GREB1L: variants seen among roughly 807,000 people sequenced by gnomAD.
GREB1L encodes GREB1 like retinoic acid receptor coactivator, also known as GREB1-like protein.
Under a neutral mutation model 200.8 loss-of-function variants are expected in GREB1L, and 17 were observed. The observed-to-expected ratio is 0.08, with a 90% CI of 0.06 to 0.13. GREB1L has a LOEUF of 0.13. Ranked by LOEUF, GREB1L falls within the 10% of genes least tolerant of loss-of-function variation. The pLI is 1.00. For synonymous variants in GREB1L, 789 were observed against 893.0 expected (o/e 0.88, Z 2.08); for missense variants, 1,657 against 2,367.7 (o/e 0.70, Z 6.23).
chr18:21,381,431 A>T (rs1418897960), intron 2 of GREB1L, among the ~76,000 whole-genome samples: 5 of 151,744 alleles, frequency 3.3e-5, no homozygotes, highest in African/African-American at 1.2e-4. Context: ...AAAAAAAAAG[A>T]TTATTGAGGA....
chr18:21,500,712 C>A, intron 23 of GREB1L, 70 bp downstream of exon 23: 1 of 1,148,408 alleles, frequency 8.7e-7, no homozygotes, highest in Admixed American at 2.8e-5. Context: ...ATCCCGGGAA[C>A]TTGCTTTTGG....
At chr18:21,513,714 C>T in intron 27 of GREB1L, 107 bp from the exon 28 acceptor site, 1 of 1,043,362 alleles carries the variant, frequency 9.6e-7, no homozygotes, top group Non-Finnish European at 1.4e-6. Context: ...TGCATGGTTC[C>T]CATGTGAACA....
intron 16 of GREB1L, among the ~76,000 whole-genome samples, chr18:21,476,881 A>G (rs1003346623): frequency 6.6e-6 from 1 of 152,050 alleles, no homozygotes; most frequent in African/African-American, 2.4e-5. Context: ...GCCTGGCCCA[A>G]CTGCAGATTT....
chr18:21,489,363 G>C (rs1417429073), intron 18 of GREB1L, among the ~76,000 whole-genome samples: 1 of 152,154 alleles, frequency 6.6e-6, no homozygotes, highest in Non-Finnish European at 1.5e-5. Context: ...CAGCACCAAG[G>C]AACAGTTTAT....
In GREB1L at chr18:21,472,967, ATCTC is replaced by A. The variant is rs1386347518; in HGVS notation, c.2183-63_2183-60del. The stretch of plus-strand genomic sequence containing the variant: ...GTCAGCTGACAATGAACTCAAGTCT[ATCTC>A]CTGTGTGTGTGTGTATGTGTAAAAG... On this transcript the variant is annotated intron_variant, in intron 15 of 32. Transcript: ENST00000424526. 7.0e-6 allele frequency: 8 copies of A among 1,140,364 alleles called. No homozygotes were observed. In the South Asian group the frequency reaches 9.1e-5, roughly 13 times the overall value. 70.6% of individuals were successfully genotyped at this position (1,140,364 alleles called of 1,614,324 possible). A position where few individuals can be genotyped will look rare whatever the true frequency, so the allele number is the denominator to read the frequency against.
intron 1 of GREB1L, among the ~76,000 whole-genome samples, chr18:21,310,140 C>T (rs969872648): frequency 2.6e-5 from 4 of 152,206 alleles, no homozygotes; most frequent in Non-Finnish European, 5.9e-5. Context: ...TAGCTAGAGG[C>T]AACCATACTA....
At chr18:21,287,976 T>C (rs2038385051) in intron 1 of GREB1L, among the ~76,000 whole-genome samples, 1 of 151,960 alleles carries the variant, frequency 6.6e-6, no homozygotes, top group East Asian at 1.9e-4. Context: ...AGCTAATTTC[T>C]GTATTTTTAG....
chr18:21,459,993 G>T (rs145271226), intron 15 of GREB1L, among the ~76,000 whole-genome samples: 47 of 152,116 alleles, frequency 3.1e-4, no homozygotes, highest in African/African-American at 1.1e-3. Context: ...TGCCCGCCTC[G>T]TCATACCCTG....
chr18:21,514,039 A>C, intron 28 of GREB1L, 53 bp downstream of exon 28: 1 of 1,453,462 alleles, frequency 6.9e-7, no homozygotes, highest in South Asian at 1.3e-5. Flanking sequence ...AGGACAATAC[A>C]TTTCTTGACT....
chr18:21,519,005 C>T (rs569192483), intron 31 of GREB1L, among the ~76,000 whole-genome samples: 5 of 152,216 alleles, frequency 3.3e-5, no homozygotes, highest in African/African-American at 7.2e-5. Context: ...TATCCATACA[C>T]GTACTCTTTT....
At chr18:21,243,151 T>C (rs1270346123) in intron 1 of GREB1L, among the ~76,000 whole-genome samples, 1 of 151,998 alleles carries the variant, frequency 6.6e-6, no homozygotes, top group Non-Finnish European at 1.5e-5. Context: ...AGGTGCGCCC[T>C]GGCCGGGGAG....
intron 19 of GREB1L, among the ~76,000 whole-genome samples, chr18:21,491,823 A>C (rs1475679488): frequency 6.6e-6 from 1 of 152,188 alleles, no homozygotes; most frequent in Non-Finnish European, 1.5e-5. Flanking sequence ...TTAGCTTAAT[A>C]AGCAATTGGA....
intron 2 of GREB1L, among the ~76,000 whole-genome samples, chr18:21,381,581 A>G (rs1482988495): frequency 6.6e-6 from 1 of 152,230 alleles, no homozygotes; most frequent in Non-Finnish European, 1.5e-5. Flanking sequence ...TTTTCCAAAG[A>G]CAAGTTAGTG....
At chr18:21,349,945 A>T (rs1338696933) in intron 1 of GREB1L, among the ~76,000 whole-genome samples, 2 of 152,184 alleles carry the variant, frequency 1.3e-5, no homozygotes, top group African/African-American at 4.8e-5. Context: ...GCCTGGTGCC[A>T]AAAAGGTTGG....
intron 10 of GREB1L, among the ~76,000 whole-genome samples, chr18:21,443,656 C>T (rs2145302577): frequency 6.6e-6 from 1 of 152,306 alleles, no homozygotes; most frequent in Admixed American, 6.5e-5. Flanking sequence ...TAACATGTTC[C>T]TTCCATGAGA....
At chr18:21,358,732 T>TA (rs1466716128) in intron 1 of GREB1L, among the ~76,000 whole-genome samples, 13 of 152,202 alleles carry the variant, frequency 8.5e-5, no homozygotes, top group African/African-American at 3.1e-4. Flanking sequence ...ACACATTGGG[T>TA]AGCGTGTACA....
At chr18:21,302,979 T>G (rs1402328857) in intron 1 of GREB1L, among the ~76,000 whole-genome samples, 2 of 152,028 alleles carry the variant, frequency 1.3e-5, no homozygotes, top group African/African-American at 4.8e-5. Flanking sequence ...CCTCCGCCCC[T>G]GAAAGTGCTG....
chr18:21,463,991 C>T (rs561120501), intron 15 of GREB1L, among the ~76,000 whole-genome samples: 1 of 152,030 alleles, frequency 6.6e-6, no homozygotes, highest in Admixed American at 6.6e-5. Flanking sequence ...AAATTTCTAG[C>T]GTCACAAGGA....
rs1289919528 is a variant in GREB1L, at chr18:21,370,821, A to AT, written c.-10+4686dup. 3.3e-5 allele frequency among the ~76,000 whole-genome samples: 5 copies of AT among 152,330 alleles called. No homozygotes were observed. The East Asian group carries it at 9.6e-4, about 29-fold the overall frequency. On this transcript the variant is annotated intron_variant, in intron 2 of 32. Coordinates refer to ENST00000424526, the MANE Select transcript of GREB1L (RefSeq NM_001142966.3). ...CTGCTGGGCGCAGTGGCTCACGCCT[A>AT]TAATTCCACACTTTGAGAGCCTGAG...
Sources: gnomAD v4.1 joint callset for allele counts (sites outside exome capture counted in the v4.1 genomes callset) on GRCh38, gnomAD v4.1.1 for gene constraint, MANE v1.5 for transcripts, NCBI Gene and HGNC (gene_info 2026-07-23, HGNC 2026-07-21) for gene names.